The following GPD2 variants were observed in gnomAD, a reference collection of about 807,000 sequenced individuals.
The protein encoded by GPD2 is glycerol-3-phosphate dehydrogenase, mitochondrial.
GPD2 carries 54 observed loss-of-function variants against 82.4 expected under a neutral mutation model. The ratio of observed to expected loss-of-function variants is 0.66; its 90% CI spans 0.53 to 0.82. The LOEUF (loss-of-function observed/expected upper bound fraction) is 0.82. Ranked by LOEUF, GPD2 falls within the 40% of genes least tolerant of loss-of-function variation. GPD2 has a pLI of 0.00. For synonymous variants in GPD2, 288 were observed against 306.1 expected, an observed-to-expected ratio of 0.94 and a Z score of 0.62; for missense variants, 748 against 896.2, an observed-to-expected ratio of 0.83 and a Z score of 2.11.
At chr2:156,561,039 G>GTTTTTTTTTTTTTT (rs1491213527) in intron 9 of GPD2, among the ~76,000 whole-genome samples, 6 of 19,518 alleles carry the variant, frequency 3.1e-4, no homozygotes, top group Admixed American at 5.6e-4. Context: ...GTGACATTAA[G>GTTTTTTTTTTTTTT]CTTTTTTTTT....
At chr2:156,507,345 A>G (rs578254586) in intron 3 of GPD2, among the ~76,000 whole-genome samples, 65 of 144,930 alleles carry the variant, frequency 4.5e-4, no homozygotes, top group South Asian at 6.5e-4. Flanking sequence ...TTTTTGAGAT[A>G]GGGTCTCATT....
chr2:156,561,056 T>TTTTTTTTTTG (rs1687153425), intron 9 of GPD2, among the ~76,000 whole-genome samples: 1 of 128,534 alleles, frequency 7.8e-6, no homozygotes, highest in Non-Finnish European at 1.6e-5. Flanking sequence ...TTTTTTTTTT[T>TTTTTTTTTTG]TTTTTTTTTG....
intron 6 of GPD2, among the ~76,000 whole-genome samples, chr2:156,539,299 A>G (rs924715316): frequency 6.6e-6 from 1 of 152,198 alleles, no homozygotes. Context: ...TAATAGATGA[A>G]ACAGACTCTG....
intron 1 of GPD2, among the ~76,000 whole-genome samples, chr2:156,455,180 A>C (rs766007685): frequency 1.3e-5 from 2 of 152,182 alleles, no homozygotes; most frequent in Non-Finnish European, 2.9e-5. Context: ...AGTTGCGTCC[A>C]GTCTCCTGAC....
intron 2 of GPD2, chr2:156,495,488 A>G (rs1316275091): frequency 7.1e-6 from 2 of 283,304 alleles, no homozygotes; most frequent in East Asian, 1.0e-4. Flanking sequence ...AACATAGCTC[A>G]TTATTTAGTA....
At position 156,493,952 on chromosome 2, in the gene GPD2, G is replaced by GTT. The variant is rs1684276360; in HGVS notation, c.103-2091_103-2090insTT. On this transcript the variant is annotated intron_variant, in intron 2 of 16. Transcript: ENST00000438166. ...TGTGTGTGTGTGTGTGTGTGTGTGT[G>GTT]TGTGTGTATAATTTTTTTCCTCATT... 4.3e-5 allele frequency among the ~76,000 whole-genome samples: 5 copies of GTT among 117,110 alleles called. No homozygotes were observed. The South Asian group carries it at 1.7e-3, about 41-fold the overall frequency. 76.8% of individuals were successfully genotyped at this position (117,110 alleles called of 152,430 possible). A position where few individuals can be genotyped will look rare whatever the true frequency, so the allele number is the denominator to read the frequency against.
At chr2:156,500,834 T>C (rs1187724299) in intron 3 of GPD2, among the ~76,000 whole-genome samples, 1 of 152,214 alleles carries the variant, frequency 6.6e-6, no homozygotes, top group Non-Finnish European at 1.5e-5. Flanking sequence ...TTTGTTTCAT[T>C]TGGGAATATT....
In GPD2 at chr2:156,556,920, C is replaced by T. The variant is rs116870363; in HGVS notation, c.972-469C>T. On this transcript the variant is annotated intron_variant, in intron 8 of 16. Transcript: ENST00000438166. ...GGTAGACCCTTCACTTTCTTATGTA[C>T]TCCTGAGAATTTCTACTGAGCGATG... Among the ~76,000 whole-genome samples the T allele has an allele frequency of 5.9e-5, 9 of 152,302 alleles. No individual in the cohort carries two copies. The East Asian group carries it at 1.7e-3, about 29-fold the overall frequency.
chr2:156,537,080 C>G (rs959599899), intron 6 of GPD2, among the ~76,000 whole-genome samples: 7 of 152,208 alleles, frequency 4.6e-5, no homozygotes, highest in Non-Finnish European at 4.4e-5. Flanking sequence ...AGGAACTCTT[C>G]TGTTTGACGT....
intron 1 of GPD2, among the ~76,000 whole-genome samples, chr2:156,455,379 A>G (rs1490853561): frequency 6.6e-6 from 1 of 152,236 alleles, no homozygotes; most frequent in African/African-American, 2.4e-5. Context: ...CACAGTCCTT[A>G]TAACACAGTA....
the GPD2 span, among the ~76,000 whole-genome samples, chr2:156,401,920 G>T: frequency 6.6e-6 from 1 of 152,114 alleles, no homozygotes; most frequent in Non-Finnish European, 1.5e-5. Context: ...CGAGATAAAA[G>T]GCTGTGGATA....
At chr2:156,434,381 C>T (rs1210506515), upstream of GPD2, among the ~76,000 whole-genome samples, 4 of 152,144 alleles carry the variant, frequency 2.6e-5, no homozygotes, top group Admixed American at 6.5e-5. Context: ...AGATTACAGG[C>T]GTGACCCACT....
intron 8 of GPD2, among the ~76,000 whole-genome samples, chr2:156,555,452 G>C (rs572448334): frequency 4.6e-5 from 7 of 152,268 alleles, no homozygotes; most frequent in African/African-American, 1.7e-4. Context: ...ATCATATGAT[G>C]TCTAGTCCTT....
chr2:156,456,567 G>A (rs1285390542), intron 1 of GPD2, among the ~76,000 whole-genome samples: 2 of 151,728 alleles, frequency 1.3e-5, no homozygotes, highest in African/African-American at 2.4e-5. Flanking sequence ...CTGCGCTCCA[G>A]CCTGGGCAAC....
intron 6 of GPD2, among the ~76,000 whole-genome samples, chr2:156,548,456 G>A (rs1560628): frequency 0.23 from 35,523 of 151,920 alleles, 5,084 homozygotes; most frequent in Middle Eastern, 0.34. Flanking sequence ...TTGGGGGGAC[G>A]GTTCTTAGCC....
chr2:156,437,959 T>C (rs926761600), intron 1 of GPD2, among the ~76,000 whole-genome samples: 1 of 152,232 alleles, frequency 6.6e-6, no homozygotes. Context: ...TCTGAACTTA[T>C]CCTGTTTGGT....
At chr2:156,453,477 CG>C (rs1682687052) in intron 1 of GPD2, among the ~76,000 whole-genome samples, 1 of 151,876 alleles carries the variant, frequency 6.6e-6, no homozygotes, top group Non-Finnish European at 1.5e-5. Context: ...CTGGAGTCTG[CG>C]GAGTTGATAT....
intron 3 of GPD2, among the ~76,000 whole-genome samples, chr2:156,509,875 G>T (rs1573944450): frequency 6.7e-6 from 1 of 150,006 alleles, no homozygotes; most frequent in East Asian, 2.0e-4. Context: ...CTGGGTTCAA[G>T]CGATTCTCCG....
intron 2 of GPD2, among the ~76,000 whole-genome samples, chr2:156,484,864 A>G (rs904096309): frequency 7.9e-5 from 12 of 152,026 alleles, no homozygotes; most frequent in African/African-American, 2.7e-4. Flanking sequence ...AACAAACAAA[A>G]ACAAAACCCA....
Sources: allele counts gnomAD v4.1 joint callset (sites outside exome capture counted in the v4.1 genomes callset), GRCh38; gene constraint gnomAD v4.1.1; transcripts MANE v1.5; gene names NCBI Gene and HGNC (gene_info 2026-07-23, HGNC 2026-07-21).